ZBTB20: variants seen among roughly 807,000 people sequenced by gnomAD.
The protein encoded by ZBTB20 is zinc finger and BTB domain-containing protein 20.
ZBTB20 carries 9 observed loss-of-function variants against 56.9 expected under a neutral mutation model. That is an observed-to-expected ratio of 0.16 (90% CI 0.10 to 0.28). The LOEUF is 0.28. ZBTB20 is among the 10% of genes least tolerant of loss of function. The pLI is 1.00. For synonymous variants in ZBTB20, 417 were observed against 420.7 expected, an observed-to-expected ratio of 0.99 and a Z score of 0.11; for missense variants, 655 against 1,003.0, an observed-to-expected ratio of 0.65 and a Z score of 4.69.
intron 5 of ZBTB20, among the ~76,000 whole-genome samples, chr3:114,714,169 A>G (rs942802479): frequency 1.3e-5 from 2 of 152,232 alleles, no homozygotes; most frequent in African/African-American, 4.8e-5. Flanking sequence ...AGTACAGACA[A>G]GTGATTAATC....
At chr3:114,988,343 C>A (rs1324696448) in intron 2 of ZBTB20, among the ~76,000 whole-genome samples, 5 of 147,958 alleles carry the variant, frequency 3.4e-5, no homozygotes, top group Non-Finnish European at 7.4e-5. Flanking sequence ...AGAGTGAGAA[C>A]ATGCGGTGTT....
rs555748900 is a variant in ZBTB20 at position 115,142,678 on chromosome 3, T to A, written c.-703+4541A>T. ...CTCCATCAAAAAAAAAAAAAAAAAATTCAACTGAAACAATGTATTCCATTA... is the reference window on the plus strand; with the variant it reads ...CTCCATCAAAAAAAAAAAAAAAAAAATCAACTGAAACAATGTATTCCATTA... On this transcript the variant is annotated intron_variant, in intron 1 of 11. Coordinates refer to ENST00000675478, the MANE Select transcript of ZBTB20 (RefSeq NM_001348800.3). Among the ~76,000 whole-genome samples, 159 of 143,876 alleles carry A rather than the reference T, an allele frequency of 1.1e-3. 2 individuals carry two copies. Among genetic ancestry groups the A allele is most frequent in the South Asian group, 2.2e-3 (10 of 4,536 alleles). The allele number at this position is 143,876 out of a possible 152,430, so 94.4% of individuals were successfully genotyped here.
At chr3:114,559,512 G>T (rs2051717444) in intron 6 of ZBTB20, among the ~76,000 whole-genome samples, 1 of 152,166 alleles carries the variant, frequency 6.6e-6, no homozygotes, top group African/African-American at 2.4e-5. Flanking sequence ...GCTTGAGGGG[G>T]TTTGTGAATC....
At chr3:114,764,134 C>A (rs1474949251) in intron 5 of ZBTB20, among the ~76,000 whole-genome samples, 2 of 151,812 alleles carry the variant, frequency 1.3e-5, no homozygotes, top group Non-Finnish European at 2.9e-5. Context: ...AATGAGTCAG[C>A]AAAAATGTTA....
At chr3:115,144,511 C>G (rs1228794505) in intron 1 of ZBTB20, among the ~76,000 whole-genome samples, 2 of 152,134 alleles carry the variant, frequency 1.3e-5, no homozygotes, top group African/African-American at 4.8e-5. Context: ...GCCTCAAAAA[C>G]TTTCTGATCC....
At chr3:114,441,617 G>A (rs183445825) in intron 7 of ZBTB20, among the ~76,000 whole-genome samples, 1 of 152,172 alleles carries the variant, frequency 6.6e-6, no homozygotes, top group East Asian at 1.9e-4. Flanking sequence ...GGGACGACGC[G>A]CGGTGGAATG....
chr3:114,849,114 G>T (rs1441841171), intron 4 of ZBTB20, among the ~76,000 whole-genome samples: 1 of 152,158 alleles, frequency 6.6e-6, no homozygotes, highest in Admixed American at 6.5e-5. Context: ...GGTAAGTATT[G>T]AGAGAGTCCC....
chr3:114,477,972 T>C (rs1217478049), intron 7 of ZBTB20, among the ~76,000 whole-genome samples: 4 of 134,518 alleles, frequency 3.0e-5, no homozygotes, highest in Non-Finnish European at 6.4e-5. Flanking sequence ...CCTCTCTCTC[T>C]CTCTCTCTCT....
intron 6 of ZBTB20, chr3:114,625,033 TCAG>T (rs2058573883): frequency 6.6e-6 from 1 of 152,366 alleles, no homozygotes. Flanking sequence ...CCAGGATGAG[TCAG>T]CAGTCTCTGG....
At chr3:114,364,955 G>A (rs1389601102) in intron 10 of ZBTB20, among the ~76,000 whole-genome samples, 1 of 152,078 alleles carries the variant, frequency 6.6e-6, no homozygotes, top group African/African-American at 2.4e-5. Flanking sequence ...ACACCACACA[G>A]CACAGGCTTT....
intron 6 of ZBTB20, among the ~76,000 whole-genome samples, chr3:114,566,627 C>T (rs1008790281): frequency 6.6e-6 from 1 of 152,188 alleles, no homozygotes; most frequent in Non-Finnish European, 1.5e-5. Context: ...AATCTAAGAG[C>T]TGCCCATTCA....
chr3:114,725,838 T>C (rs997763328), intron 5 of ZBTB20, among the ~76,000 whole-genome samples: 1 of 152,194 alleles, frequency 6.6e-6, no homozygotes, highest in Non-Finnish European at 1.5e-5. Context: ...TTCAGCATTA[T>C]ACAACAATAT....
At chr3:114,436,433 C>G (rs1010217750) in intron 7 of ZBTB20, among the ~76,000 whole-genome samples, 2 of 152,160 alleles carry the variant, frequency 1.3e-5, no homozygotes, top group Non-Finnish European at 2.9e-5. Flanking sequence ...ATACTCTCAT[C>G]TGTAAAAAGA....
At chr3:114,926,564 AAAAC>A (rs768525371) in intron 3 of ZBTB20, among the ~76,000 whole-genome samples, 119 of 152,344 alleles carry the variant, frequency 7.8e-4, no homozygotes, top group Non-Finnish European at 1.3e-3. Context: ...AATTGAATAA[AAAAC>A]AAACAAACAA....
At chr3:114,452,907 T>C (rs1249419710) in intron 7 of ZBTB20, among the ~76,000 whole-genome samples, 2 of 152,130 alleles carry the variant, frequency 1.3e-5, no homozygotes, top group African/African-American at 4.8e-5. Context: ...TTCGTGTCTA[T>C]AATGTACCTT....
chr3:114,984,514 A>G (rs2078455769), intron 2 of ZBTB20, among the ~76,000 whole-genome samples: 1 of 151,984 alleles, frequency 6.6e-6, no homozygotes, highest in African/African-American at 2.4e-5. Context: ...CCATGTAGTG[A>G]CATTCCAAAT....
chr3:114,732,447 T>G (rs1390254586), intron 5 of ZBTB20, among the ~76,000 whole-genome samples: 1 of 152,170 alleles, frequency 6.6e-6, no homozygotes, highest in African/African-American at 2.4e-5. Flanking sequence ...CAAAGTGTTG[T>G]CCTAGAGTCC....
At chr3:114,492,411 C>T (rs1199623650) in intron 7 of ZBTB20, among the ~76,000 whole-genome samples, 1 of 152,204 alleles carries the variant, frequency 6.6e-6, no homozygotes, top group African/African-American at 2.4e-5. Context: ...TTTCATGTAA[C>T]TGTGAATGGT....
At chr3:115,037,581 G>C (rs573064416) in intron 2 of ZBTB20, among the ~76,000 whole-genome samples, 3 of 152,262 alleles carry the variant, frequency 2.0e-5, no homozygotes, top group South Asian at 4.1e-4. Flanking sequence ...ACCATGGTGG[G>C]CCCCAAGTAA....
Sources: allele counts gnomAD v4.1 joint callset (sites outside exome capture counted in the v4.1 genomes callset), GRCh38; gene constraint gnomAD v4.1.1; transcripts MANE v1.5; gene names NCBI Gene and HGNC (gene_info 2026-07-23, HGNC 2026-07-21).